Variants in FOXK1 observed in about 807,000 individuals in gnomAD.
FOXK1 encodes the protein forkhead box protein K1.
A neutral mutation model predicts 51.9 loss-of-function variants in FOXK1; 19 were observed. That is an observed-to-expected ratio of 0.37 (90% confidence interval 0.26 to 0.54). The LOEUF is 0.54. FOXK1 is among the 20% of genes least tolerant of loss of function. The pLI is 0.87. For synonymous variants in FOXK1, 537 were observed against 482.6 expected (o/e 1.11, Z -1.48); for missense variants, 870 against 1,032.7 (o/e 0.84, Z 2.16).
intron 1 of FOXK1, among the ~76,000 whole-genome samples, chr7:4,688,183 C>T (rs1335655961): frequency 6.7e-6 from 1 of 149,710 alleles, no homozygotes; most frequent in Non-Finnish European, 1.5e-5. Context: ...CCCCTCGCCC[C>T]AGTTCTTTAG....
At chr7:4,719,514 C>T (rs1262508613) in intron 1 of FOXK1, among the ~76,000 whole-genome samples, 1 of 151,658 alleles carries the variant, frequency 6.6e-6, no homozygotes, top group East Asian at 1.9e-4. Context: ...CAGAATCTCA[C>T]TCCATCACCC....
chr7:4,721,589 C>CTTTTTTTTTTTTTTTTTTTT (rs200132324), intron 1 of FOXK1, among the ~76,000 whole-genome samples: 35 of 112,628 alleles, frequency 3.1e-4, no homozygotes, highest in South Asian at 5.5e-4. Flanking sequence ...TCTTTTTTTT[C>CTTTTTTTTTTTTTTTTTTTT]TTTTTTTTTT....
At chr7:4,718,621 C>T (rs866134761) in intron 1 of FOXK1, among the ~76,000 whole-genome samples, 33 of 152,182 alleles carry the variant, frequency 2.2e-4, no homozygotes, top group Non-Finnish European at 1.0e-4. Context: ...CCCGGGAGTG[C>T]AGTGCCTAAG....
intron 1 of FOXK1, among the ~76,000 whole-genome samples, chr7:4,688,033 C>T (rs1392727442): frequency 2.0e-5 from 3 of 152,052 alleles, no homozygotes; most frequent in Admixed American, 1.3e-4. Flanking sequence ...TGCCCAGCTG[C>T]TTTTTTAAAT....
At position 4,749,531 on chromosome 7, in the gene FOXK1, G is replaced by A. The variant is rs1330620282; in HGVS notation, c.747-4928G>A. ...CATCGCAGACCCCCGCAGCCTTCTC[G>A]CCCCTCCACTGCCCACAAGGCTCCG... On this transcript the variant is annotated intron_variant, in intron 2 of 8. Coordinates refer to ENST00000328914, the MANE Select transcript of FOXK1 (RefSeq NM_001037165.2). The surrounding 1 kb of genome is among the most constrained non-coding windows in gnomAD (Gnocchi z 6.0). Among the ~76,000 whole-genome samples the A allele has an allele frequency of 4.6e-5, 7 of 152,154 alleles. No individual in the cohort carries two copies. In the East Asian group the frequency reaches 5.8e-4, roughly 13 times the overall value.
At chr7:4,737,508 G>A (rs529670328) in intron 1 of FOXK1, among the ~76,000 whole-genome samples, 13 of 151,536 alleles carry the variant, frequency 8.6e-5, no homozygotes, top group East Asian at 3.9e-4. Flanking sequence ...GTGTGTGGGC[G>A]TGTCCGTGCA....
rs984399585 is a variant in FOXK1, at chr7:4,711,778, C to T, written c.560+28910C>T. ...GCCACAAGTCGGCAACGTAGTGCCT[C>T]CAGGGCAGATGCCACGGACCGTAGA... On this transcript the variant is annotated intron_variant, in intron 1 of 8. Coordinates refer to ENST00000328914, the MANE Select transcript of FOXK1 (RefSeq NM_001037165.2). The surrounding 1 kb of genome is among the most constrained non-coding windows in gnomAD (Gnocchi z 6.3). Among the ~76,000 whole-genome samples the T allele has an allele frequency of 6.6e-6, 1 of 152,234 alleles. No individual in the cohort carries two copies. The highest frequency in any genetic ancestry group is 1.9e-4 in the East Asian group (1 of 5,196).
intron 1 of FOXK1, among the ~76,000 whole-genome samples, chr7:4,695,615 A>C (rs1779941760): frequency 6.6e-6 from 1 of 152,196 alleles, no homozygotes; most frequent in Non-Finnish European, 1.5e-5. Flanking sequence ...CACCCTGGCC[A>C]ACATGGCGAA....
Position 4,699,120 on chromosome 7 carries a change from A to C in FOXK1, c.560+16252A>C, listed in dbSNP as rs150429205. On this transcript the variant is annotated intron_variant, in intron 1 of 8. Transcript: ENST00000328914. ...TAGTCATCTGAATCTGGGACAGTTCATCAGCCCTTCTTTGTCATTACTGAC... is the reference window on the plus strand; with the variant it reads ...TAGTCATCTGAATCTGGGACAGTTCCTCAGCCCTTCTTTGTCATTACTGAC... Among the ~76,000 whole-genome samples the C allele has an allele frequency of 9.8e-5, 15 of 152,306 alleles. No individual in the cohort carries two copies. In the East Asian group the frequency reaches 1.9e-3, roughly 20 times the overall value.
At chr7:4,713,488 GT>G (rs56251793) in intron 1 of FOXK1, among the ~76,000 whole-genome samples, 60,598 of 147,382 alleles carry the variant, frequency 0.41, 13,007 homozygotes, top group African/African-American at 0.56. Context: ...TAACCACCGT[GT>G]TTTTTTTTTT....
At chr7:4,690,036 C>G (rs193070553) in intron 1 of FOXK1, among the ~76,000 whole-genome samples, 1 of 152,314 alleles carries the variant, frequency 6.6e-6, no homozygotes, top group Admixed American at 6.5e-5. Context: ...AAGGATCAGC[C>G]TGCAGTGCCA....
chr7:4,691,143 G>A (rs1159942595), intron 1 of FOXK1, among the ~76,000 whole-genome samples: 6 of 152,178 alleles, frequency 3.9e-5, no homozygotes, highest in Non-Finnish European at 8.8e-5. Context: ...AGGAATCGGA[G>A]GAACCAGGGT....
rs1188629020 is a variant in FOXK1, at chr7:4,730,861, G to A, written c.561-9977G>A. Among the ~76,000 whole-genome samples, 3 of 152,122 alleles carry A rather than the reference G, an allele frequency of 2.0e-5. No homozygotes were observed. The highest frequency in any genetic ancestry group is 2.9e-5 in the Non-Finnish European group (2 of 68,024). ...TGATTTGGGGATTTTATATGTTAAC[G>A]TTTCTTTCAAAACCATTTCCTGAGG... On this transcript the variant is annotated intron_variant, in intron 1 of 8. Coordinates refer to ENST00000328914, the MANE Select transcript of FOXK1 (RefSeq NM_001037165.2). This position sits in a 1 kb window ranked among gnomAD's most constrained non-coding sequence, Gnocchi z 4.7.
chr7:4,684,110 G>A (rs1038662891), intron 1 of FOXK1, among the ~76,000 whole-genome samples: 1 of 152,084 alleles, frequency 6.6e-6, no homozygotes, highest in African/African-American at 2.4e-5. Context: ...ACTGCCCTCC[G>A]CACCCTCTGC....
chr7:4,708,798 C>T (rs530311533), intron 1 of FOXK1, among the ~76,000 whole-genome samples: 1 of 152,174 alleles, frequency 6.6e-6, no homozygotes, highest in Non-Finnish European at 1.5e-5. Flanking sequence ...GGCTTGGTGG[C>T]TCACGCCTGT....
rs532627792 is a variant in FOXK1, at chr7:4,735,549, A to G, written c.561-5289A>G. 3.3e-5 allele frequency among the ~76,000 whole-genome samples: 5 copies of G among 152,200 alleles called. No homozygotes were observed. The highest frequency in any genetic ancestry group is 1.2e-4 in the African/African-American group (5 of 41,514). ...CCCGTCACTCCAGCCCTAGGCAACC[A>G]CTAAGCTCCTTTCTAAGTCGGGCAA... On this transcript the variant is annotated intron_variant, in intron 1 of 8. Coordinates refer to ENST00000328914, the MANE Select transcript of FOXK1 (RefSeq NM_001037165.2). This position sits in a 1 kb window ranked among gnomAD's most constrained non-coding sequence, Gnocchi z 4.7.
At chr7:4,689,066 C>G (rs1442413490) in intron 1 of FOXK1, among the ~76,000 whole-genome samples, 4 of 152,064 alleles carry the variant, frequency 2.6e-5, no homozygotes, top group African/African-American at 9.6e-5. Flanking sequence ...AACCCCCTGC[C>G]TCCCAGGTTC....
chr7:4,684,023 T>C (rs1261908219), intron 1 of FOXK1, among the ~76,000 whole-genome samples: 1 of 152,154 alleles, frequency 6.6e-6, no homozygotes, highest in African/African-American at 2.4e-5. Context: ...CCTGGACGGC[T>C]GCCCAGGCCT....
intron 1 of FOXK1, among the ~76,000 whole-genome samples, chr7:4,713,319 C>T (rs113857413): frequency 2.4e-4 from 36 of 152,152 alleles, no homozygotes; most frequent in African/African-American, 8.7e-4. Flanking sequence ...GCTGGGATTC[C>T]CGCTCACTGA....
Sources: gnomAD v4.1 joint callset for allele counts (sites outside exome capture counted in the v4.1 genomes callset) on GRCh38, gnomAD v4.1.1 for gene constraint, Gnocchi (gnomAD v3.1) non-coding constraint, MANE v1.5 for transcripts, NCBI Gene and HGNC (gene_info 2026-07-23, HGNC 2026-07-21) for gene names.